SGCZ: variants seen among roughly 807,000 people sequenced by gnomAD.
SGCZ encodes the protein sarcoglycan zeta.
SGCZ carries 40 observed loss-of-function variants against 41.3 expected under a neutral mutation model. The observed-to-expected ratio is 0.97, with a 90% CI of 0.75 to 1.26. The LOEUF (loss-of-function observed/expected upper bound fraction) is 1.26, where lower values mean the gene tolerates loss of function less well. Among genes scored for constraint, SGCZ ranks in the 50% most tolerant of loss-of-function variants. SGCZ has a pLI of 0.00. For missense variants in SGCZ, 552 were observed against 369.8 expected, an observed-to-expected ratio of 1.49 and a Z score of -4.04; for synonymous variants, 206 against 137.5, an observed-to-expected ratio of 1.50 and a Z score of -3.49.
intron 1 of SGCZ, among the ~76,000 whole-genome samples, chr8:15,180,878 C>T (rs1800155178): frequency 6.7e-6 from 1 of 149,962 alleles, no homozygotes; most frequent in Non-Finnish European, 1.5e-5. Flanking sequence ...CAGAGCGAGA[C>T]TCCATCTCAA....
At chr8:14,494,254 C>T (rs1462636545) in intron 2 of SGCZ, among the ~76,000 whole-genome samples, 1 of 152,140 alleles carries the variant, frequency 6.6e-6, no homozygotes, top group Non-Finnish European at 1.5e-5. Flanking sequence ...GAGCCTGTCT[C>T]TCTCAATCAC....
At chr8:14,438,328 A>C (rs2035141) in intron 2 of SGCZ, among the ~76,000 whole-genome samples, 1 of 151,752 alleles carries the variant, frequency 6.6e-6, no homozygotes, top group African/African-American at 2.4e-5. Context: ...ACAAATTATA[A>C]GTATTACACA....
intron 1 of SGCZ, among the ~76,000 whole-genome samples, chr8:14,699,383 A>G (rs969685672): frequency 2.0e-5 from 3 of 151,814 alleles, no homozygotes; most frequent in East Asian, 3.9e-4. Context: ...TCTATATTCA[A>G]TAAGTGGTGC....
intron 1 of SGCZ, among the ~76,000 whole-genome samples, chr8:15,110,511 G>A (rs970333760): frequency 3.9e-5 from 6 of 152,158 alleles, no homozygotes; most frequent in Non-Finnish European, 8.8e-5. Context: ...CATAATTATT[G>A]TCCTCCAGCC....
rs60737335 is a variant in SGCZ, at chr8:14,862,581, T to TACAC, written c.40-307659_40-307656dup. 3.0e-4 allele frequency among the ~76,000 whole-genome samples: 29 copies of TACAC among 96,946 alleles called. 1 individual carries two copies. The highest frequency in any genetic ancestry group is 6.7e-4 in the East Asian group (2 of 2,986). The allele number at this position is 96,946 out of a possible 152,430, so 63.6% of individuals were successfully genotyped here. A position where few individuals can be genotyped will look rare whatever the true frequency, so the allele number is the denominator to read the frequency against. On this transcript the variant is annotated intron_variant, in intron 1 of 7. Transcript: ENST00000382080. ...ATATATATATATATATATATATATA[T>TACAC]ACACACACAATTGCAAAACATACAT...
intron 1 of SGCZ, among the ~76,000 whole-genome samples, chr8:15,121,458 C>T (rs1807473164): frequency 2.0e-5 from 3 of 152,274 alleles, no homozygotes; most frequent in East Asian, 3.9e-4. Context: ...ACCAAGAAGA[C>T]TCATTGAGCA....
At chr8:14,766,705 G>A (rs1308756882) in intron 1 of SGCZ, among the ~76,000 whole-genome samples, 1 of 149,556 alleles carries the variant, frequency 6.7e-6, no homozygotes, top group Admixed American at 6.6e-5. Context: ...GGGACCACAG[G>A]CACCTGTCAC....
chr8:14,800,352 AAGAG>A (rs1300461939), intron 1 of SGCZ, among the ~76,000 whole-genome samples: 1 of 152,196 alleles, frequency 6.6e-6, no homozygotes, highest in African/African-American at 2.4e-5. Context: ...ATAGAGCAAA[AAGAG>A]GAATAGGGAA....
intron 1 of SGCZ, among the ~76,000 whole-genome samples, chr8:14,901,122 T>A (rs1462183945): frequency 6.6e-6 from 1 of 152,226 alleles, no homozygotes. Flanking sequence ...ATTTCTGGCA[T>A]AAATATCAAT....
At chr8:14,514,577 A>G (rs994457512) in intron 2 of SGCZ, among the ~76,000 whole-genome samples, 58 of 150,944 alleles carry the variant, frequency 3.8e-4, no homozygotes, top group African/African-American at 1.4e-3. Flanking sequence ...CCTCTCATAC[A>G]TATATATTAC....
chr8:14,728,414 T>G (rs1810130089), intron 1 of SGCZ, among the ~76,000 whole-genome samples: 1 of 147,374 alleles, frequency 6.8e-6, no homozygotes, highest in Admixed American at 6.7e-5. Flanking sequence ...AAGCCAAAAT[T>G]AATGCAGTAA....
intron 2 of SGCZ, among the ~76,000 whole-genome samples, chr8:14,484,335 T>C (rs1801615320): frequency 2.0e-5 from 3 of 152,168 alleles, no homozygotes. Context: ...GTGCAAACGA[T>C]GCAAGTTAGT....
intron 1 of SGCZ, among the ~76,000 whole-genome samples, chr8:15,209,475 TAAA>T (rs57088562): frequency 7.0e-6 from 1 of 142,110 alleles, no homozygotes; most frequent in Non-Finnish European, 1.5e-5. Context: ...AGCATAATAG[TAAA>T]AAAAAAAAAA....
intron 2 of SGCZ, among the ~76,000 whole-genome samples, chr8:14,382,395 T>C (rs988446312): frequency 6.6e-6 from 1 of 151,820 alleles, no homozygotes; most frequent in Admixed American, 6.6e-5. Flanking sequence ...CAGACCTGTC[T>C]GATGGTCACT....
At chr8:14,317,252 T>A (rs1351067551) in intron 3 of SGCZ, among the ~76,000 whole-genome samples, 1 of 152,008 alleles carries the variant, frequency 6.6e-6, no homozygotes, top group Non-Finnish European at 1.5e-5. Flanking sequence ...ATTGCTTTTA[T>A]CTCATCTAAC....
chr8:15,092,477 C>G (rs926669896), intron 1 of SGCZ, among the ~76,000 whole-genome samples: 1 of 152,080 alleles, frequency 6.6e-6, no homozygotes, highest in African/African-American at 2.4e-5. Context: ...GCTAGCTAGC[C>G]TGAGTATTAA....
At chr8:14,837,506 G>C (rs989349431) in intron 1 of SGCZ, among the ~76,000 whole-genome samples, 1 of 152,092 alleles carries the variant, frequency 6.6e-6, no homozygotes, top group Non-Finnish European at 1.5e-5. Flanking sequence ...CCCAACTCCC[G>C]TTGCATCAGG....
At chr8:14,997,908 C>A (rs1239142134) in intron 1 of SGCZ, among the ~76,000 whole-genome samples, 1 of 151,844 alleles carries the variant, frequency 6.6e-6, no homozygotes, top group Non-Finnish European at 1.5e-5. Flanking sequence ...TGCAGTGAGC[C>A]GAGATGGTGC....
chr8:15,083,254 G>A (rs1475959482), intron 1 of SGCZ, among the ~76,000 whole-genome samples: 2 of 152,076 alleles, frequency 1.3e-5, no homozygotes, highest in East Asian at 3.9e-4. Context: ...AATTTCCCAT[G>A]TTTTTAATAA....
Sources: allele counts gnomAD v4.1 joint callset (sites outside exome capture counted in the v4.1 genomes callset), GRCh38; gene constraint gnomAD v4.1.1; transcripts MANE v1.5; gene names NCBI Gene and HGNC (gene_info 2026-07-23, HGNC 2026-07-21).